Variants in NCAM2 observed in about 807,000 individuals in gnomAD.
NCAM2 encodes N-CAM-2.
In NCAM2, 30 loss-of-function variants were observed where a neutral mutation model predicts 98.1. The ratio of observed to expected loss-of-function variants is 0.31; its 90% CI spans 0.23 to 0.41. The LOEUF is 0.41. Ranked by LOEUF, NCAM2 falls within the 10% of genes least tolerant of loss-of-function variation. The pLI is 1.00. For synonymous variants in NCAM2, 368 were observed against 342.4 expected, an observed-to-expected ratio of 1.07 and a Z score of -0.83; for missense variants, 867 against 1,005.8, an observed-to-expected ratio of 0.86 and a Z score of 1.87.
At chr21:21,373,796 T>C in intron 8 of NCAM2, 67 bp from the exon 9 acceptor site, 1 of 1,329,648 alleles carries the variant, frequency 7.5e-7, no homozygotes, top group East Asian at 2.5e-5. Flanking sequence ...CATAATGTTA[T>C]ATGTTTGGTC....
intron 12 of NCAM2, among the ~76,000 whole-genome samples, chr21:21,457,430 C>A (rs568880422): frequency 3.9e-5 from 6 of 151,944 alleles, no homozygotes; most frequent in African/African-American, 1.5e-4. Flanking sequence ...TCATGAGGTC[C>A]GGAGTTCGAG....
chr21:21,311,983 C>A (rs551354310), intron 5 of NCAM2, among the ~76,000 whole-genome samples: 1 of 152,248 alleles, frequency 6.6e-6, no homozygotes, highest in East Asian at 1.9e-4. Flanking sequence ...TCTTTTCTGA[C>A]TGTACGTCTT....
chr21:21,179,809 A>T (rs1338437305), intron 1 of NCAM2, among the ~76,000 whole-genome samples: 2 of 152,224 alleles, frequency 1.3e-5, no homozygotes, highest in Non-Finnish European at 2.9e-5. Flanking sequence ...TATCCCCAGG[A>T]TGTAGCACAG....
intron 1 of NCAM2, among the ~76,000 whole-genome samples, chr21:21,238,215 C>G (rs75511190): frequency 0.016 from 2,363 of 152,006 alleles, 63 homozygotes; most frequent in African/African-American, 0.053. Flanking sequence ...TCTCGGCCTC[C>G]CAGAGTGCTG....
intron 1 of NCAM2, among the ~76,000 whole-genome samples, chr21:21,168,248 C>A (rs989661819): frequency 6.6e-6 from 1 of 151,828 alleles, no homozygotes; most frequent in South Asian, 2.1e-4. Context: ...AAATCCAACA[C>A]CCATTCATGA....
chr21:21,310,025 A>G (rs1005503626), intron 5 of NCAM2, among the ~76,000 whole-genome samples: 2 of 152,210 alleles, frequency 1.3e-5, no homozygotes, highest in Non-Finnish European at 2.9e-5. Flanking sequence ...GTTTCAGTAC[A>G]GCAAACAAAA....
intron 16 of NCAM2, among the ~76,000 whole-genome samples, chr21:21,530,546 T>G (rs577354994): frequency 6.6e-6 from 1 of 150,898 alleles, no homozygotes; most frequent in African/African-American, 2.4e-5. Flanking sequence ...AATAATATCC[T>G]AGGATACACA....
intron 1 of NCAM2, among the ~76,000 whole-genome samples, chr21:21,068,419 C>A (rs1031202748): frequency 9.3e-5 from 14 of 151,268 alleles, no homozygotes; most frequent in Non-Finnish European, 1.6e-4. Flanking sequence ...CAGGCCTGAG[C>A]CACCACACAA....
chr21:21,432,816 G>A (rs1165416793), intron 12 of NCAM2, among the ~76,000 whole-genome samples: 5 of 151,606 alleles, frequency 3.3e-5, no homozygotes, highest in South Asian at 4.2e-4. Context: ...AAATTTCATC[G>A]TCTTATGAAA....
intron 1 of NCAM2, among the ~76,000 whole-genome samples, chr21:21,105,901 T>C (rs2066334090): frequency 6.6e-6 from 1 of 152,172 alleles, no homozygotes; most frequent in African/African-American, 2.4e-5. Context: ...AAGCACCTCA[T>C]AGGCTCATCA....
In NCAM2 at chr21:21,048,847, T is replaced by G. The variant is rs113430896; in HGVS notation, c.55+50229T>G. 1.8e-3 allele frequency among the ~76,000 whole-genome samples: 279 copies of G among 152,250 alleles called. 2 individuals carry two copies. The highest frequency in any genetic ancestry group is 9.7e-3 in the South Asian group (47 of 4,830). ...AGAGTTTGACTCTTTTCGTCAACAT[T>G]TTTTAGATCTGTGTATCATGCATTC... is the stretch of plus-strand genomic sequence containing the variant. On this transcript the variant is annotated intron_variant, in intron 1 of 17. Coordinates refer to ENST00000400546, the MANE Select transcript of NCAM2 (RefSeq NM_004540.5).
Position 21,432,172 on chromosome 21 carries a change from C to T in NCAM2, c.1545C>T (p.Ser515=). The change falls in exon 12 of 18, where the codon TCC becomes TCT. Residue 515 remains serine, a synonymous_variant. Coordinates refer to ENST00000400546, the MANE Select transcript of NCAM2 (RefSeq NM_004540.5). ...TGTCGCAGACCACGGCCAAGGTTTCCTTCAACAAACCGGACTCCCATGGAG... is the reference window on the plus strand; with the variant it reads ...TGTCGCAGACCACGGCCAAGGTTTCTTTCAACAAACCGGACTCCCATGGAG... ...IELSQTTAKV[S]FNKPDSHGGV... is the part of the protein sequence containing the mutation. 1 of 1,614,084 alleles carries T rather than the reference C, an allele frequency of 6.2e-7. No homozygotes were observed. Among genetic ancestry groups the T allele is most frequent in the African/African-American group, 1.3e-5 (1 of 75,046 alleles).
At chr21:21,220,225 CTCAT>C (rs1298415005) in intron 1 of NCAM2, among the ~76,000 whole-genome samples, 2 of 152,184 alleles carry the variant, frequency 1.3e-5, no homozygotes, top group Non-Finnish European at 2.9e-5. Context: ...GCACTCACCA[CTCAT>C]TCATTCAGTC....
intron 12 of NCAM2, among the ~76,000 whole-genome samples, chr21:21,458,947 C>T (rs1431507136): frequency 6.6e-6 from 1 of 152,090 alleles, no homozygotes; most frequent in East Asian, 1.9e-4. Flanking sequence ...CAGCCATATA[C>T]CTGATAAGGG....
intron 1 of NCAM2, among the ~76,000 whole-genome samples, chr21:21,093,328 C>G (rs936261011): frequency 6.6e-6 from 1 of 152,010 alleles, no homozygotes; most frequent in African/African-American, 2.4e-5. Context: ...GTTACAGATG[C>G]TATTGGACAT....
At chr21:21,058,161 A>G (rs1169339639) in intron 1 of NCAM2, among the ~76,000 whole-genome samples, 1 of 148,812 alleles carries the variant, frequency 6.7e-6, no homozygotes, top group Non-Finnish European at 1.5e-5. Context: ...AAAAAAAAAA[A>G]AAAACCCAAA....
intron 1 of NCAM2, among the ~76,000 whole-genome samples, chr21:21,086,176 AAGTG>A (rs1358707517): frequency 4.6e-5 from 7 of 152,222 alleles, no homozygotes; most frequent in Admixed American, 3.3e-4. Context: ...AAGAGATAAA[AAGTG>A]AGGGAAATCA....
At chr21:21,013,209 C>T (rs113865327) in intron 1 of NCAM2, among the ~76,000 whole-genome samples, 2,339 of 152,134 alleles carry the variant, frequency 0.015, 61 homozygotes, top group African/African-American at 0.054. Context: ...CCTCCTGTGC[C>T]GGTTAACCAA....
At position 21,466,705 on chromosome 21, in the gene NCAM2, T is replaced by C; in HGVS notation, c.1754T>C (p.Ile585Thr). ...CAAGGAGACTACAGTAAAATAGAAA[T>C]CTTCCAAACATTACCAGTTCGTAAG... ...KGQGDYSKIE[I>T]FQTLPVREPS... Residue 585 changes from isoleucine (I) to threonine (T), a missense_variant, in exon 13 of 18, where the codon ATC becomes ACC. Transcript: ENST00000400546. 2 of 1,607,308 alleles carry C rather than the reference T, an allele frequency of 1.2e-6. No homozygotes were observed. Among genetic ancestry groups the C allele is most frequent in the Non-Finnish European group, 1.7e-6 (2 of 1,176,446 alleles).
Sources: allele counts gnomAD v4.1 joint callset (sites outside exome capture counted in the v4.1 genomes callset), GRCh38; gene constraint gnomAD v4.1.1; transcripts MANE v1.5; gene names NCBI Gene and HGNC (gene_info 2026-07-23, HGNC 2026-07-21).